The following POU2F2 variants were observed in gnomAD, a reference collection of about 807,000 sequenced individuals.
The protein encoded by POU2F2 is POU domain, class 2, transcription factor 2.
In POU2F2, 14 loss-of-function variants were observed where a neutral mutation model predicts 63.5. That is an observed-to-expected ratio of 0.22 (90% CI 0.15 to 0.34). POU2F2 has a LOEUF of 0.34. Ranked by LOEUF, POU2F2 falls within the 10% of genes least tolerant of loss-of-function variation. The probability of loss-of-function intolerance (pLI) is 1.00; values close to 1 mark genes in which losing one functional copy is unlikely to be tolerated. For missense variants in POU2F2, 607 were observed against 815.2 expected, an observed-to-expected ratio of 0.74 and a Z score of 3.11; for synonymous variants, 306 against 348.6, an observed-to-expected ratio of 0.88 and a Z score of 1.36.
In POU2F2 at chr19:42,087,119, G is replaced by T. The variant is rs1366117899; in HGVS notation, c.*4138C>A. 6.8e-6 allele frequency: 1 copy of T among 148,094 alleles called. No individual in the cohort carries two copies. Among genetic ancestry groups the T allele is most frequent in the African/African-American group, 2.5e-5 (1 of 40,368 alleles). 9.2% of individuals were successfully genotyped at this position (148,094 alleles called of 1,614,324 possible). The stretch of plus-strand genomic sequence containing the variant: ...CACTTTTTTTCCAACATATAAAAAG[G>T]TAGCGGAGTTGTCTGTGGGTTTTTT... On this transcript the variant is annotated 3_prime_UTR_variant, in exon 15 of 15. Coordinates refer to ENST00000692977, the MANE Select transcript of POU2F2 (RefSeq NM_001394376.1).
intron 1 of POU2F2, among the ~76,000 whole-genome samples, chr19:42,160,869 C>T (rs968823669): frequency 1.3e-5 from 2 of 152,172 alleles, no homozygotes; most frequent in East Asian, 3.8e-4. Flanking sequence ...AAAGGTTACT[C>T]ATTATTAAGT....
intron 5 of POU2F2, among the ~76,000 whole-genome samples, chr19:42,104,899 A>C (rs2077277984): frequency 6.6e-6 from 1 of 152,072 alleles, no homozygotes. Context: ...TATTCCGTGT[A>C]TGGCAGTGGA....
intron 1 of POU2F2, among the ~76,000 whole-genome samples, chr19:42,173,589 T>G (rs1334393897): frequency 6.7e-6 from 1 of 149,430 alleles, no homozygotes; most frequent in Non-Finnish European, 1.5e-5. Context: ...CTGGCCAGCA[T>G]GCTGTCTAGG....
chr19:42,142,779 G>A (rs2034155622), intron 2 of POU2F2, among the ~76,000 whole-genome samples: 2 of 151,230 alleles, frequency 1.3e-5, no homozygotes, highest in South Asian at 4.2e-4. Context: ...GCATGGGCTG[G>A]TCTTGAACTC....
chr19:42,153,941 C>T lies in POU2F2; in HGVS notation c.-9+6391G>A, dbSNP rs1010636387. Among the ~76,000 whole-genome samples, 1 of 152,138 alleles carries T rather than the reference C, an allele frequency of 6.6e-6. No homozygotes were observed. Among genetic ancestry groups the T allele is most frequent in the South Asian group, 2.1e-4 (1 of 4,834 alleles). On this transcript the variant is annotated intron_variant, in intron 2 of 6. Coordinates refer to the POU2F2 transcript ENST00000524801. This position sits in a 1 kb window ranked among gnomAD's most constrained non-coding sequence, Gnocchi z 5.6. Reference sequence around the variant, plus strand: ...CCTTCTTTCCCTTCCCTGCCAGAGACCCCAGACCCCTGCCAGGATGGGCCC... The same window carrying T: ...CCTTCTTTCCCTTCCCTGCCAGAGATCCCAGACCCCTGCCAGGATGGGCCC...
chr19:42,100,545 C>T (rs576236146), intron 5 of POU2F2, among the ~76,000 whole-genome samples: 25 of 151,358 alleles, frequency 1.7e-4, no homozygotes, highest in Non-Finnish European at 2.7e-4. Flanking sequence ...TGAGGCCAGG[C>T]GTTTAACACC....
Position 42,092,631 on chromosome 19 carries a change from G to A in POU2F2, c.1265-361C>T, listed in dbSNP as rs914563984. ...GGGTGCCAGGCACACTGCCACATCT[G>A]AGGGATGGGCAACCTGGCAGGGGCT... On this transcript the variant is annotated intron_variant, in intron 12 of 14. Coordinates refer to ENST00000692977, the MANE Select transcript of POU2F2 (RefSeq NM_001394376.1). This position sits in a 1 kb window ranked among gnomAD's most constrained non-coding sequence, Gnocchi z 5.0. Among the ~76,000 whole-genome samples, 13 of 151,796 alleles carry A rather than the reference G, an allele frequency of 8.6e-5. No individual in the cohort carries two copies. Among genetic ancestry groups the A allele is most frequent in the African/African-American group, 3.1e-4 (13 of 41,298 alleles).
rs768126342 is a variant in POU2F2 at position 42,095,942 on chromosome 19, G to C, written c.730-13C>G. 2.5e-6 allele frequency: 4 copies of C among 1,611,210 alleles called. No individual in the cohort carries two copies. The highest frequency in any genetic ancestry group is 2.2e-5 in the South Asian group (2 of 90,756). ...GGCCCACATCACCCTGGGCCAGTGG[G>C]GCGGGGAAGGGCCCGAAGTCAGGGT... On this transcript the variant is annotated splice_polypyrimidine_tract_variant and intron_variant, in intron 8 of 14. Transcript: ENST00000692977. This position sits in a 1 kb window ranked among gnomAD's most constrained non-coding sequence, Gnocchi z 7.1.
At chr19:42,112,897 G>A (rs543241714) in intron 5 of POU2F2, among the ~76,000 whole-genome samples, 2 of 152,198 alleles carry the variant, frequency 1.3e-5, no homozygotes, top group South Asian at 2.1e-4. Context: ...CTATTTGTGC[G>A]GCTACAGCCT....
At chr19:42,138,843 A>G (rs1288536196) in intron 2 of POU2F2, among the ~76,000 whole-genome samples, 1 of 152,186 alleles carries the variant, frequency 6.6e-6, no homozygotes, top group African/African-American at 2.4e-5. Flanking sequence ...GTCAGGAAGC[A>G]GCATCTTCCA....
rs2076871593 is a variant in POU2F2, at chr19:42,095,195, T to C, written c.1197+91A>G. 2 of 1,430,376 alleles carry C rather than the reference T, an allele frequency of 1.4e-6. No homozygotes were observed. The highest frequency in any genetic ancestry group is 1.9e-6 in the Non-Finnish European group (2 of 1,069,290). 88.6% of individuals were successfully genotyped at this position (1,430,376 alleles called of 1,614,324 possible). A position where few individuals can be genotyped will look rare whatever the true frequency, so the allele number is the denominator to read the frequency against. ...AGAGTGACTCTTCTTGTCTCTGTTC[T>C]AGGCTCTGTGGACAACCAGGTAGGG... is the stretch of plus-strand genomic sequence containing the variant. On this transcript the variant is annotated intron_variant, in intron 11 of 14. Coordinates refer to ENST00000692977, the MANE Select transcript of POU2F2 (RefSeq NM_001394376.1). The surrounding 1 kb of genome is among the most constrained non-coding windows in gnomAD (Gnocchi z 7.1).
At chr19:42,185,422 T>C (rs1055650822) in intron 1 of POU2F2, among the ~76,000 whole-genome samples, 1 of 152,168 alleles carries the variant, frequency 6.6e-6, no homozygotes, top group Admixed American at 6.5e-5. Context: ...TACTTCCTGT[T>C]GCACACAGGA....
intron 1 of POU2F2, chr19:42,196,273 T>C (rs2035144472): frequency 6.6e-6 from 1 of 152,188 alleles, no homozygotes; most frequent in African/African-American, 2.4e-5. Context: ...TGTGTGTAAC[T>C]GTCGGGTTCC....
intron 1 of POU2F2, among the ~76,000 whole-genome samples, chr19:42,171,550 A>G (rs2034769023): frequency 1.3e-5 from 2 of 150,954 alleles, no homozygotes; most frequent in South Asian, 4.2e-4. Flanking sequence ...TGTTTTGGGC[A>G]TGGGGGGCAG....
At position 42,187,008 on chromosome 19, in the gene POU2F2, T is replaced by C. The variant is rs376596763; in HGVS notation, c.-70+9375A>G. 3.3e-5 allele frequency among the ~76,000 whole-genome samples: 5 copies of C among 152,320 alleles called. No homozygotes were observed. In the East Asian group the frequency reaches 9.6e-4, roughly 29 times the overall value. On this transcript the variant is annotated intron_variant, in intron 1 of 5. Coordinates refer to the POU2F2 transcript ENST00000532176. The stretch of plus-strand genomic sequence containing the variant: ...TTCAGTCTATATTGGGATACAGTTG[T>C]GTGCAGTGTCATAGAGAGAGGTCTC...
intron 1 of POU2F2, among the ~76,000 whole-genome samples, chr19:42,195,096 A>C (rs2035124426): frequency 2.9e-5 from 2 of 69,938 alleles, no homozygotes; most frequent in African/African-American, 1.1e-4. Context: ...GAAGGGAGGA[A>C]GGAAGGGAGG....
In POU2F2 at chr19:42,162,741, G is replaced by A. The variant is rs1030204518; in HGVS notation, c.-69-2349C>T. On this transcript the variant is annotated intron_variant, in intron 1 of 6. Transcript: ENST00000524801. This position sits in a 1 kb window ranked among gnomAD's most constrained non-coding sequence, Gnocchi z 4.1. ...GGGCAAGGCAGGGCCTGGCTCCTTT[G>A]GGGGTCCGAAGCATTGCCCAGCACA... 1.1e-4 allele frequency among the ~76,000 whole-genome samples: 16 copies of A among 152,142 alleles called. No homozygotes were observed. Among genetic ancestry groups the A allele is most frequent in the Non-Finnish European group, 2.2e-4 (15 of 68,006 alleles).
At chr19:42,091,786 T>G in intron 14 of POU2F2, 81 bp downstream of exon 14, 1 of 1,546,092 alleles carries the variant, frequency 6.5e-7, no homozygotes, top group African/African-American at 1.4e-5. Context: ...CAGGATGGCA[T>G]GGCTGGAGCA....
At chr19:42,106,806 GAGGAGGAGGAGGAGA>G (rs1056962707) in intron 5 of POU2F2, among the ~76,000 whole-genome samples, 2 of 147,944 alleles carry the variant, frequency 1.4e-5, no homozygotes, top group Non-Finnish European at 1.5e-5. Flanking sequence ...GGAGGAGGAA[GAGGAGGAGGAGGAGA>G]AGGAGGAGGA....
Sources: allele counts gnomAD v4.1 joint callset (sites outside exome capture counted in the v4.1 genomes callset), GRCh38; gene constraint gnomAD v4.1.1; non-coding constraint Gnocchi (gnomAD v3.1); transcripts MANE v1.5; gene names NCBI Gene and HGNC (gene_info 2026-07-23, HGNC 2026-07-21).